The following NIPBL variants were observed in gnomAD, a reference collection of about 807,000 sequenced individuals.
NIPBL encodes the protein NIPBL cohesin loading factor, also known as nipped-B-like protein.
NIPBL carries 19 observed loss-of-function variants against 321.8 expected under a neutral mutation model. That is an observed-to-expected ratio of 0.06 (90% CI 0.04 to 0.09). The LOEUF (loss-of-function observed/expected upper bound fraction) is 0.09. Ranked by LOEUF, NIPBL falls within the 10% of genes least tolerant of loss-of-function variation. The probability of loss-of-function intolerance (pLI) is 1.00; values close to 1 mark genes in which losing one functional copy is unlikely to be tolerated. For synonymous variants in NIPBL, 1,106 were observed against 1,114.1 expected, an observed-to-expected ratio of 0.99 and a Z score of 0.14; for missense variants, 2,210 against 3,327.0, an observed-to-expected ratio of 0.66 and a Z score of 8.26.
chr5:37,064,182 A>G (rs1755129772), intron 46 of NIPBL: 3 of 1,416,262 alleles, frequency 2.1e-6, no homozygotes, highest in East Asian at 5.1e-5. Flanking sequence ...AAAAACAGAA[A>G]TGAGATTTAT....
At chr5:36,928,563 G>A (rs1273048778) in intron 1 of NIPBL, among the ~76,000 whole-genome samples, 3 of 152,136 alleles carry the variant, frequency 2.0e-5, no homozygotes, top group African/African-American at 7.2e-5. Flanking sequence ...CGTTATTGAG[G>A]TATGATCCGC....
rs1204393071 is a variant in NIPBL, at chr5:36,958,140, A to G, written c.267A>G (p.Glu89=). Reference sequence around the variant, plus strand: ...ATAACCTTGGCAGTGATGACCCAGAAGGTGACATACCAGTCTTGTTGCAGG... The same window carrying G: ...ATAACCTTGGCAGTGATGACCCAGAGGGTGACATACCAGTCTTGTTGCAGG... ...LKDNLGSDDP[E]GDIPVLLQAV... The change falls in exon 4 of 47, where the codon GAA becomes GAG. Residue 89 remains glutamate (E), a synonymous_variant. Coordinates refer to ENST00000282516, the MANE Select transcript of NIPBL (RefSeq NM_133433.4). 1.2e-6 allele frequency: 2 copies of G among 1,613,974 alleles called. No individual in the cohort carries two copies. Among genetic ancestry groups the G allele is most frequent in the African/African-American group, 2.7e-5 (2 of 74,936 alleles).
intron 38 of NIPBL, among the ~76,000 whole-genome samples, chr5:37,046,608 G>A (rs1362589903): frequency 5.9e-5 from 9 of 151,964 alleles, no homozygotes; most frequent in Non-Finnish European, 1.0e-4. Context: ...TGCCACATCT[G>A]GTTAAAACAA....
chr5:37,034,734 A>G (rs1308212222), intron 32 of NIPBL, among the ~76,000 whole-genome samples: 1 of 152,242 alleles, frequency 6.6e-6, no homozygotes, highest in African/African-American at 2.4e-5. Flanking sequence ...GATAGTGGTT[A>G]TCTCAAGTGT....
At chr5:36,883,828 T>C (rs1011707990) in intron 1 of NIPBL, among the ~76,000 whole-genome samples, 2 of 151,958 alleles carry the variant, frequency 1.3e-5, no homozygotes, top group African/African-American at 4.8e-5. Flanking sequence ...AGTTTTTTTT[T>C]TTGGTAATGA....
At chr5:36,940,561 T>C (rs992295370) in intron 1 of NIPBL, among the ~76,000 whole-genome samples, 2 of 152,172 alleles carry the variant, frequency 1.3e-5, no homozygotes, top group Non-Finnish European at 2.9e-5. Context: ...AACTCTTACT[T>C]ATGAGATTTC....
chr5:36,880,379 T>A (rs1745413039), intron 1 of NIPBL, among the ~76,000 whole-genome samples: 1 of 151,948 alleles, frequency 6.6e-6, no homozygotes, highest in Admixed American at 6.6e-5. Flanking sequence ...TTGAGTTTTA[T>A]TTAATTTCAT....
chr5:37,052,697 C>G, intron 42 of NIPBL, 131 bp downstream of exon 42: 1 of 723,714 alleles, frequency 1.4e-6, no homozygotes. Flanking sequence ...TCTTAATCTT[C>G]TAAGTTATTT....
intron 10 of NIPBL, chr5:36,995,126 C>G (rs893277081): frequency 1.9e-5 from 3 of 157,012 alleles, no homozygotes; most frequent in Non-Finnish European, 4.2e-5. Context: ...AGCCACCATA[C>G]ACAACTGCCA....
chr5:36,909,766 G>T (rs921153399), intron 1 of NIPBL, among the ~76,000 whole-genome samples: 1 of 152,066 alleles, frequency 6.6e-6, no homozygotes, highest in Non-Finnish European at 1.5e-5. Context: ...TTTTAACAAT[G>T]TATTATTAAA....
rs1394962286 is a variant in NIPBL at position 37,064,990 on chromosome 5, G to A, written c.*98G>A. 2.8e-6 allele frequency: 4 copies of A among 1,440,458 alleles called. No homozygotes were observed. The highest frequency in any genetic ancestry group is 3.9e-6 in the Non-Finnish European group (4 of 1,037,448). The allele number at this position is 1,440,458 out of a possible 1,614,324, so 89.2% of individuals were successfully genotyped here. A position where few individuals can be genotyped will look rare whatever the true frequency, so the allele number is the denominator to read the frequency against. ...GGCAAAAAAAAATCAGTTTTATGAA[G>A]AGTAAGTGGAACCTGGGATGCAGGA... On this transcript the variant is annotated 3_prime_UTR_variant, in exon 47 of 47. Transcript: ENST00000282516.
chr5:37,018,327 A>G (rs752621874), intron 24 of NIPBL, among the ~76,000 whole-genome samples: 4 of 152,320 alleles, frequency 2.6e-5, no homozygotes, highest in East Asian at 1.9e-4. Context: ...ATGTAATACA[A>G]TACCTACTCT....
chr5:36,972,102 C>T, intron 8 of NIPBL, 61 bp downstream of exon 8: 1 of 1,096,872 alleles, frequency 9.1e-7, no homozygotes, highest in Middle Eastern at 2.0e-4. Flanking sequence ...ATAAAGAACT[C>T]AGACTTCCTA....
Position 36,995,685 on chromosome 5 carries a change from C to T in NIPBL, c.3185C>T (p.Thr1062Ile). ...GAACTCCTGGCAGAAATTGAGTCCA[C>T]CATGCCACTTTGTGAACGTGTGAAA... is the stretch of plus-strand genomic sequence containing the variant. Reference protein sequence around the residue: ...PPELLAEIESTMPLCERVKMN... With the variant: ...PPELLAEIESIMPLCERVKMN... The change falls in exon 11 of 47, where the codon ACC becomes ATC. Residue 1062 changes from threonine to isoleucine, a missense_variant. Physicochemically the swap from Thr to Ile is moderately conservative, Grantham distance 89. This residue lies in a region of NIPBL where 381 missense variants were observed against 642.3 expected (regional missense o/e 0.59). Transcript: ENST00000282516. The T allele has an allele frequency of 6.2e-7, 1 of 1,613,500 alleles. No homozygotes were observed. The highest frequency in any genetic ancestry group is 8.5e-7 in the Non-Finnish European group (1 of 1,179,670).
At chr5:36,944,721 A>G (rs1307140729) in intron 1 of NIPBL, among the ~76,000 whole-genome samples, 2 of 152,166 alleles carry the variant, frequency 1.3e-5, no homozygotes, top group African/African-American at 2.4e-5. Context: ...GAATCTGGCC[A>G]ATCTTTGATG....
At chr5:36,899,294 T>G (rs542022646) in intron 1 of NIPBL, among the ~76,000 whole-genome samples, 1 of 152,298 alleles carries the variant, frequency 6.6e-6, no homozygotes, top group African/African-American at 2.4e-5. Context: ...TTGTTTTCTC[T>G]ATGTTGAAGA....
At chr5:37,027,991 AT>A (rs901979737) in intron 32 of NIPBL, among the ~76,000 whole-genome samples, 18 of 151,944 alleles carry the variant, frequency 1.2e-4, no homozygotes, top group South Asian at 4.2e-4. Flanking sequence ...TTTCCAGATA[AT>A]TTTTTTTCTT....
At chr5:37,006,205 A>C in intron 16 of NIPBL, 152 bp from the exon 17 acceptor site, 1 of 632,076 alleles carries the variant, frequency 1.6e-6, no homozygotes, top group Non-Finnish European at 2.8e-6. Context: ...TCAAAGTAGT[A>C]TCAGTATTTG....
intron 3 of NIPBL, 123 bp downstream of exon 3, chr5:36,955,760 T>C (rs1448531824): frequency 1.4e-6 from 1 of 732,262 alleles, no homozygotes; most frequent in Admixed American, 2.2e-5. Flanking sequence ...AAAATATCCA[T>C]ATCCGAGGGA....
Sources: gnomAD v4.1 joint callset for allele counts (sites outside exome capture counted in the v4.1 genomes callset) on GRCh38, gnomAD v4.1.1 for gene constraint, gnomAD v4.1.1 regional missense constraint, MANE v1.5 for transcripts, NCBI Gene and HGNC (gene_info 2026-07-23, HGNC 2026-07-21) for gene names.